Variants in SESN2 observed in about 807,000 individuals in gnomAD.
The protein encoded by SESN2 is sestrin 2, also known as sestrin-2.
A neutral mutation model predicts 56.0 loss-of-function variants in SESN2; 42 were observed. The ratio of observed to expected loss-of-function variants is 0.75; its 90% confidence interval spans 0.59 to 0.97. The LOEUF (loss-of-function observed/expected upper bound fraction) is 0.97, where lower values mean the gene tolerates loss of function less well. Ranked by LOEUF, SESN2 falls within the 50% of genes least tolerant of loss-of-function variation. The pLI, the probability that SESN2 is intolerant of heterozygous loss-of-function variation, is 0.00. For missense variants in SESN2, 507 were observed against 649.4 expected (o/e 0.78, Z 2.38); for synonymous variants, 264 against 267.1 (o/e 0.99, Z 0.11).
chr1:28,279,840 CCT>C (rs1258409166), intron 9 of SESN2, among the ~76,000 whole-genome samples: 1 of 151,138 alleles, frequency 6.6e-6, no homozygotes, highest in Admixed American at 6.6e-5. Flanking sequence ...TCGTGCCTGG[CCT>C]CTCTGAGCTT....
At chr1:28,271,481 T>C (rs1003570805) in intron 2 of SESN2, among the ~76,000 whole-genome samples, 193 bp from the exon 3 acceptor site, 5 of 152,230 alleles carry the variant, frequency 3.3e-5, no homozygotes, top group African/African-American at 4.8e-5. Context: ...GTACTGGCCA[T>C]TATTATATAA....
chr1:28,277,412 C>G (rs1389032959), intron 8 of SESN2, among the ~76,000 whole-genome samples: 1 of 152,108 alleles, frequency 6.6e-6, no homozygotes, highest in Non-Finnish European at 1.5e-5. Context: ...GATGGTGTTT[C>G]ACCATGTTGG....
At chr1:28,274,600 T>TAAA (rs2149039547) in intron 7 of SESN2, among the ~76,000 whole-genome samples, 1 of 151,878 alleles carries the variant, frequency 6.6e-6, no homozygotes, top group South Asian at 2.1e-4. Context: ...TCCCTGTGAA[T>TAAA]CCTTAAGGGA....
chr1:28,268,680 G>A (rs1376540005), intron 1 of SESN2, among the ~76,000 whole-genome samples: 1 of 150,632 alleles, frequency 6.6e-6, no homozygotes, highest in Non-Finnish European at 1.5e-5. Flanking sequence ...AAAAAAAGAA[G>A]CAAAAGAAGG....
At position 28,274,868 on chromosome 1, in the gene SESN2, T is replaced by C; in HGVS notation, c.1064T>C (p.Leu355Pro). Residue 355 changes from leucine to proline, a missense_variant, in exon 8 of 10, where the codon CTT (leucine) becomes CCT (proline). Transcript: ENST00000253063. ...EDHGYSLIQRLYPEGGQLLDE... is the reference protein window; with the variant it reads ...EDHGYSLIQRPYPEGGQLLDE... ...CATGGCTACTCGCTGATCCAGCGGC[T>C]TTACCCTGAGGGTGGGCAGCTGCTG... 1 of 1,614,146 alleles carries C rather than the reference T, an allele frequency of 6.2e-7. No individual in the cohort carries two copies. Among genetic ancestry groups the C allele is most frequent in the Non-Finnish European group, 8.5e-7 (1 of 1,179,986 alleles).
At chr1:28,262,198 C>A (rs1271145618) in intron 1 of SESN2, among the ~76,000 whole-genome samples, 1 of 152,082 alleles carries the variant, frequency 6.6e-6, no homozygotes, top group Non-Finnish European at 1.5e-5. Flanking sequence ...GTCAGGTGCC[C>A]GAGGTCCAAG....
chr1:28,269,234 A>T lies in SESN2; in HGVS notation c.142A>T (p.Ile48Phe). 6.2e-7 allele frequency: 1 copy of T among 1,612,288 alleles called. No individual in the cohort carries two copies. Among genetic ancestry groups the T allele is most frequent in the African/African-American group, 1.3e-5 (1 of 74,990 alleles). Residue 48 changes from isoleucine (I) to phenylalanine (F), a missense_variant, in exon 2 of 10, where the codon ATC (isoleucine) becomes TTC (phenylalanine). Ile to Phe is a conservative substitution (Grantham distance 21). Transcript: ENST00000253063. Reference sequence around the variant, plus strand: ...AGGCCCTCGAGGGCCCAGCGCCTTCATCCCCGTGGAGGAGGTAAGCTTGGA... The same window carrying T: ...AGGCCCTCGAGGGCCCAGCGCCTTCTTCCCCGTGGAGGAGGTAAGCTTGGA... ...RRGPRGPSAF[I>F]PVEEVLREGA...
intron 9 of SESN2, among the ~76,000 whole-genome samples, chr1:28,280,486 G>A (rs1343780033): frequency 5.9e-5 from 9 of 152,248 alleles, no homozygotes; most frequent in South Asian, 2.1e-4. Flanking sequence ...GATTACAGGC[G>A]TGAGCCACCG....
chr1:28,260,155 C>CCTCCCTCCCTCTCCCCCT, intron 1 of SESN2, among the ~76,000 whole-genome samples: 1 of 147,550 alleles, frequency 6.8e-6, no homozygotes, highest in Admixed American at 6.7e-5. Flanking sequence ...CTCTCCCCCT[C>CCTCCCTCCCTCTCCCCCT]CTCCCTCCCT....
chr1:28,275,349 T>C (rs1235860973), intron 8 of SESN2, among the ~76,000 whole-genome samples: 1 of 152,158 alleles, frequency 6.6e-6, no homozygotes, highest in African/African-American at 2.4e-5. Context: ...GTTATGTTTG[T>C]ATTTCCATTC....
In SESN2 at chr1:28,273,420, C is replaced by A. The variant is rs948002723; in HGVS notation, c.813C>A (p.Ser271Arg). 1 of 1,611,246 alleles carries A rather than the reference C, an allele frequency of 6.2e-7. No homozygotes were observed. The highest frequency in any genetic ancestry group is 8.5e-7 in the Non-Finnish European group (1 of 1,179,166). ...LMERMQQLQE[S>R]LLRDEGTSQE... ...AGCGCATGCAGCAGCTGCAGGAGAG[C>A]CTGCTGCGGGATGAGGGGACGTCCC... Residue 271 changes from serine to arginine, a missense_variant, in exon 6 of 10, where the codon AGC (serine) becomes AGA (arginine). Ser to Arg is a moderately radical substitution (Grantham distance 110, BLOSUM62 -1). Coordinates refer to ENST00000253063, the MANE Select transcript of SESN2 (RefSeq NM_031459.5).
chr1:28,273,524 C>T lies in SESN2; in HGVS notation c.901+16C>T. 2 of 1,564,960 alleles carry T rather than the reference C, an allele frequency of 1.3e-6. No homozygotes were observed. Among genetic ancestry groups the T allele is most frequent in the South Asian group, 1.2e-5 (1 of 86,180 alleles). ...ACCCCCTCAGGTACAGGGTCACAGG[C>T]ATCCAGGCTCCCGTGGCTGCTCCTT... On this transcript the variant is annotated intron_variant, in intron 6 of 9. Coordinates refer to ENST00000253063, the MANE Select transcript of SESN2 (RefSeq NM_031459.5).
At chr1:28,277,539 G>A (rs1648095000) in intron 8 of SESN2, among the ~76,000 whole-genome samples, 1 of 152,100 alleles carries the variant, frequency 6.6e-6, no homozygotes, top group African/African-American at 2.4e-5. Flanking sequence ...CTATGCACAA[G>A]TAACCAAAGC....
chr1:28,273,552 T>A (rs780848111), intron 6 of SESN2, 44 bp downstream of exon 6: 1 of 1,494,938 alleles, frequency 6.7e-7, no homozygotes, highest in Admixed American at 2.4e-5. Flanking sequence ...TGCTCCTTCT[T>A]AGGCTATCTC....
chr1:28,280,781 C>T lies in SESN2; in HGVS notation c.1422C>T (p.Ala474=), dbSNP rs780543761. ...CCGCTCTGCTGTACGCCCTCCGTGC[C>T]ATCACCCGCTACATGACCTGACTCC... ...MQAALLYALR[A]ITRYMT is the part of the protein sequence containing the mutation. The change falls in exon 10 of 10, where the codon GCC becomes GCT. Residue 474 remains alanine (A), a synonymous_variant. Coordinates refer to ENST00000253063, the MANE Select transcript of SESN2 (RefSeq NM_031459.5). 1.9e-6 allele frequency: 3 copies of T among 1,613,632 alleles called. No individual in the cohort carries two copies. Among genetic ancestry groups the T allele is most frequent in the Admixed American group, 1.7e-5 (1 of 60,018 alleles).
chr1:28,274,148 T>A lies in SESN2; in HGVS notation c.1010T>A (p.Phe337Tyr), dbSNP rs1291887515. 6 of 1,605,786 alleles carry A rather than the reference T, an allele frequency of 3.7e-6. No individual in the cohort carries two copies. The highest frequency in any genetic ancestry group is 5.1e-6 in the Non-Finnish European group (6 of 1,172,510). Residue 337 changes from phenylalanine (F) to tyrosine (Y), a missense_variant, in exon 7 of 10, where the codon TTC becomes TAC. By Grantham distance (22) the Phe-to-Tyr change is conservative. Coordinates refer to ENST00000253063, the MANE Select transcript of SESN2 (RefSeq NM_031459.5). ...AGAGGGGCTCAGGCACCCCCTACCT[T>A]CCGGGCCCAGGTAGGGCTCTCTCTA... is the stretch of plus-strand genomic sequence containing the variant. ...TRRGAQAPPT[F>Y]RAQDYTWEDH...
chr1:28,264,239 A>C (rs1247793428), intron 1 of SESN2, among the ~76,000 whole-genome samples: 1 of 152,086 alleles, frequency 6.6e-6, no homozygotes, highest in Admixed American at 6.6e-5. Context: ...GAATTGCCTG[A>C]ACTCAGGAGG....
chr1:28,264,397 G>A (rs1221122590), intron 1 of SESN2, among the ~76,000 whole-genome samples: 1 of 152,154 alleles, frequency 6.6e-6, no homozygotes, highest in African/African-American at 2.4e-5. Flanking sequence ...TACAGTTTGT[G>A]TGAAGACCTT....
chr1:28,275,244 CATAT>C (rs532142431), intron 8 of SESN2, among the ~76,000 whole-genome samples: 20 of 151,680 alleles, frequency 1.3e-4, no homozygotes, highest in Non-Finnish European at 2.6e-4. Flanking sequence ...TATTTATGTA[CATAT>C]ATATACACAC....
Sources: gnomAD v4.1 joint callset for allele counts (sites outside exome capture counted in the v4.1 genomes callset) on GRCh38, gnomAD v4.1.1 for gene constraint, MANE v1.5 for transcripts, NCBI Gene and HGNC (gene_info 2026-07-23, HGNC 2026-07-21) for gene names.